The following DDAH1 variants were observed in gnomAD, a reference collection of about 807,000 sequenced individuals.
DDAH1 encodes dimethylarginine dimethylaminohydrolase 1.
Under a neutral mutation model 28.8 loss-of-function variants are expected in DDAH1, and 19 were observed. The ratio of observed to expected loss-of-function variants is 0.66; its 90% confidence interval spans 0.46 to 0.97. The LOEUF (loss-of-function observed/expected upper bound fraction) is 0.97. DDAH1 is among the 50% of genes least tolerant of loss of function. The pLI, the probability that DDAH1 is intolerant of heterozygous loss-of-function variation, is 0.00. For synonymous variants in DDAH1, 153 were observed against 154.4 expected (o/e 0.99, Z 0.07); for missense variants, 326 against 375.9 (o/e 0.87, Z 1.10).
chr1:85,524,845 T>C (rs1657809576), intron 1 of DDAH1, among the ~76,000 whole-genome samples: 1 of 147,868 alleles, frequency 6.8e-6, no homozygotes, highest in Non-Finnish European at 1.5e-5. Context: ...AAATAGGAAA[T>C]CAGTGATGCA....
At chr1:85,344,439 G>A (rs1449337137) in intron 4 of DDAH1, among the ~76,000 whole-genome samples, 1 of 152,208 alleles carries the variant, frequency 6.6e-6, no homozygotes, top group Non-Finnish European at 1.5e-5. Flanking sequence ...AGATGGCACA[G>A]TCCTGTAGCC....
intron 1 of DDAH1, among the ~76,000 whole-genome samples, chr1:85,498,837 G>A (rs540946208): frequency 2.4e-4 from 37 of 152,186 alleles, no homozygotes; most frequent in Non-Finnish European, 4.3e-4. Flanking sequence ...TAGGAGAACC[G>A]CTTGAACCCA....
chr1:85,405,426 C>T (rs1256830617), intron 1 of DDAH1, among the ~76,000 whole-genome samples: 8 of 152,232 alleles, frequency 5.3e-5, no homozygotes, highest in East Asian at 1.9e-4. Context: ...AGTACAGACA[C>T]GGAGATGGTT....
intron 1 of DDAH1, among the ~76,000 whole-genome samples, chr1:85,375,970 G>C (rs1570453322): frequency 6.6e-6 from 1 of 152,144 alleles, no homozygotes; most frequent in Non-Finnish European, 1.5e-5. Flanking sequence ...GGAATGGCAA[G>C]GCCCTGGTGC....
At chr1:85,419,656 A>C (rs1389788172) in intron 1 of DDAH1, among the ~76,000 whole-genome samples, 1 of 151,644 alleles carries the variant, frequency 6.6e-6, no homozygotes, top group Non-Finnish European at 1.5e-5. Flanking sequence ...TCCTATATGG[A>C]CCTGCAAATG....
intron 1 of DDAH1, among the ~76,000 whole-genome samples, chr1:85,560,406 CAT>C (rs1398799088): frequency 2.6e-5 from 4 of 152,036 alleles, no homozygotes; most frequent in African/African-American, 7.2e-5. Flanking sequence ...AAATGATAAA[CAT>C]GTGAGTAAAT....
chr1:85,487,206 T>A (rs980294277), intron 2 of DDAH1, among the ~76,000 whole-genome samples: 2 of 152,232 alleles, frequency 1.3e-5, no homozygotes, highest in African/African-American at 4.8e-5. Flanking sequence ...AAGGAGAAGG[T>A]GTCACTCTCA....
At chr1:85,384,638 T>C (rs1651159455) in intron 1 of DDAH1, among the ~76,000 whole-genome samples, 1 of 152,180 alleles carries the variant, frequency 6.6e-6, no homozygotes. Flanking sequence ...ATGATGGAAG[T>C]CAAAGCTTCA....
chr1:85,348,661 T>C (rs910020400), intron 4 of DDAH1, among the ~76,000 whole-genome samples: 29 of 152,262 alleles, frequency 1.9e-4, no homozygotes, highest in African/African-American at 6.5e-4. Flanking sequence ...CTCATTTTTC[T>C]CTACAAAGCT....
At chr1:85,352,395 T>C (rs1649266261) in intron 2 of DDAH1, among the ~76,000 whole-genome samples, 1 of 152,116 alleles carries the variant, frequency 6.6e-6, no homozygotes, top group African/African-American at 2.4e-5. Flanking sequence ...AGAAGTGCCT[T>C]AGAAAATGAA....
intron 5 of DDAH1, among the ~76,000 whole-genome samples, chr1:85,322,131 A>G (rs951841787): frequency 6.6e-6 from 1 of 152,074 alleles, no homozygotes; most frequent in African/African-American, 2.4e-5. Context: ...CTATTTTGCC[A>G]GGGCTGGTCT....
intron 3 of DDAH1, among the ~76,000 whole-genome samples, chr1:85,351,182 C>T (rs1004586809): frequency 6.6e-6 from 1 of 151,930 alleles, no homozygotes; most frequent in Admixed American, 6.5e-5. Flanking sequence ...AGGTGTGAGC[C>T]ATCACGCCCG....
intron 2 of DDAH1, among the ~76,000 whole-genome samples, chr1:85,356,524 A>G (rs1649495783): frequency 6.6e-6 from 1 of 152,244 alleles, no homozygotes; most frequent in African/African-American, 2.4e-5. Context: ...ACACTTAATA[A>G]TGGTTAAAAT....
chr1:85,430,430 G>C (rs1400032992), intron 1 of DDAH1, among the ~76,000 whole-genome samples: 1 of 152,170 alleles, frequency 6.6e-6, no homozygotes, highest in Admixed American at 6.5e-5. Flanking sequence ...TTCTAATTCT[G>C]TGAAGAAAGT....
At chr1:85,468,066 A>G (rs1655448122), upstream of DDAH1, among the ~76,000 whole-genome samples, 1 of 152,196 alleles carries the variant, frequency 6.6e-6, no homozygotes, top group African/African-American at 2.4e-5. Flanking sequence ...ACTGAAGGAG[A>G]GAATGAGAAT....
chr1:85,330,352 G>A (rs1325028615), intron 4 of DDAH1, among the ~76,000 whole-genome samples: 2 of 152,178 alleles, frequency 1.3e-5, no homozygotes, highest in Non-Finnish European at 2.9e-5. Flanking sequence ...GTTAAAAGAT[G>A]AGCACCATTT....
At chr1:85,477,785 G>C (rs1421273735) in intron 2 of DDAH1, among the ~76,000 whole-genome samples, 1 of 151,834 alleles carries the variant, frequency 6.6e-6, no homozygotes, top group Non-Finnish European at 1.5e-5. Context: ...AAATTTTTCA[G>C]GGAATTTATT....
At chr1:85,482,168 G>T (rs1300559315) in intron 2 of DDAH1, 1 of 152,154 alleles carries the variant, frequency 6.6e-6, no homozygotes, top group Non-Finnish European at 1.5e-5. Flanking sequence ...ACTGAGGATT[G>T]AGGTTTTAAG....
rs150414335 is a variant in DDAH1 at position 85,353,383 on chromosome 1, G to C, written c.404-1804C>G. 4.5e-3 allele frequency among the ~76,000 whole-genome samples: 684 copies of C among 152,250 alleles called. 2 individuals are homozygous for C. Among genetic ancestry groups the C allele is most frequent in the African/African-American group, 0.016 (659 of 41,558 alleles). ...AGTAGCCATGCAGAAGTGCTTGATAGATTTTATAAATATTATAACTTTAAT... is the reference window on the plus strand; with the variant it reads ...AGTAGCCATGCAGAAGTGCTTGATACATTTTATAAATATTATAACTTTAAT... On this transcript the variant is annotated intron_variant, in intron 2 of 5. Transcript: ENST00000284031.
Sources: gnomAD v4.1 joint callset for allele counts (sites outside exome capture counted in the v4.1 genomes callset) on GRCh38, gnomAD v4.1.1 for gene constraint, MANE v1.5 for transcripts, NCBI Gene and HGNC (gene_info 2026-07-23, HGNC 2026-07-21) for gene names.